Variants in SYN3 observed in about 807,000 individuals in gnomAD.
SYN3 encodes the protein synapsin-3.
SYN3 carries 35 observed loss-of-function variants against 65.8 expected under a neutral mutation model. That is an observed-to-expected ratio of 0.53 (90% confidence interval 0.41 to 0.70). The LOEUF (loss-of-function observed/expected upper bound fraction) is 0.70, where lower values mean the gene tolerates loss of function less well. Among genes scored for constraint, SYN3 ranks in the 30% least tolerant of loss-of-function variants. The probability of loss-of-function intolerance (pLI) is 0.00; values close to 1 mark genes in which losing one functional copy is unlikely to be tolerated. For synonymous variants in SYN3, 270 were observed against 292.9 expected, an observed-to-expected ratio of 0.92 and a Z score of 0.80; for missense variants, 680 against 749.0, an observed-to-expected ratio of 0.91 and a Z score of 1.08.
chr22:32,785,989 A>C (rs1053740976), intron 6 of SYN3, among the ~76,000 whole-genome samples: 19 of 127,606 alleles, frequency 1.5e-4, no homozygotes, highest in South Asian at 4.8e-4. Context: ...AATTCAAACC[A>C]CTTCAAAGAA....
In SYN3 at chr22:32,538,053, C is replaced by T; in HGVS notation, c.975G>A (p.Gln325=). 4.3e-6 allele frequency: 7 copies of T among 1,614,200 alleles called. No individual in the cohort carries two copies. The highest frequency in any genetic ancestry group is 5.9e-6 in the Non-Finnish European group (7 of 1,180,020). ...KANTGSAMLE[Q]VAMTERYRLW... ...TCTCTTACCTCTCTGTCATGGCCAC[C>T]TGCTCCAGCATGGCAGAGCCTGTGT... Residue 325 remains glutamine, a synonymous_variant, in exon 9 of 14, where the codon CAG becomes CAA. Coordinates refer to ENST00000358763, the MANE Select transcript of SYN3 (RefSeq NM_003490.4).
At chr22:32,899,241 C>T (rs1437967704) in intron 4 of SYN3, among the ~76,000 whole-genome samples, 4 of 152,214 alleles carry the variant, frequency 2.6e-5, no homozygotes, top group Non-Finnish European at 2.9e-5. Context: ...CAGCTCCCTT[C>T]CCCACTTTTC....
At chr22:32,867,222 A>T (rs953578989) in intron 5 of SYN3, among the ~76,000 whole-genome samples, 1 of 152,158 alleles carries the variant, frequency 6.6e-6, no homozygotes, top group East Asian at 1.9e-4. Flanking sequence ...ACATACCCCA[A>T]GCCTCCACAT....
rs756127147 is a variant in SYN3 at position 32,518,349 on chromosome 22, A to G, written c.1319-15T>C. On this transcript the variant is annotated splice_polypyrimidine_tract_variant and intron_variant, in intron 12 of 13. Coordinates refer to ENST00000358763, the MANE Select transcript of SYN3 (RefSeq NM_003490.4). The stretch of plus-strand genomic sequence containing the variant: ...GCGAGGGCCTCCTAAGGGGCCAGAA[A>G]AAAAAAGGTTCAGTTCAATTTTTTT... The G allele has an allele frequency of 7.5e-6, 12 of 1,609,934 alleles. No homozygotes were observed. The South Asian group carries it at 8.8e-5, about 12-fold the overall frequency.
At chr22:32,566,603 A>T (rs1257676818) in intron 7 of SYN3, among the ~76,000 whole-genome samples, 1 of 152,182 alleles carries the variant, frequency 6.6e-6, no homozygotes, top group Non-Finnish European at 1.5e-5. Context: ...TGAAGACTTT[A>T]TCAGGATTTT....
chr22:32,924,439 A>G (rs546817683), intron 4 of SYN3, among the ~76,000 whole-genome samples: 5 of 152,308 alleles, frequency 3.3e-5, no homozygotes, highest in South Asian at 2.1e-4. Context: ...CTTTAGCTAT[A>G]CTGGCACTGT....
chr22:32,523,222 C>T (rs2057916810), intron 12 of SYN3, among the ~76,000 whole-genome samples: 1 of 152,156 alleles, frequency 6.6e-6, no homozygotes, highest in Non-Finnish European at 1.5e-5. Context: ...CCATATAAGA[C>T]AGTGAACTGG....
chr22:32,997,704 G>C (rs2052922142), intron 2 of SYN3, among the ~76,000 whole-genome samples: 1 of 152,136 alleles, frequency 6.6e-6, no homozygotes, highest in Non-Finnish European at 1.5e-5. Flanking sequence ...GCTGGATTGA[G>C]TCAAGGTGAG....
At chr22:32,651,489 C>T (rs1397557154) in intron 6 of SYN3, among the ~76,000 whole-genome samples, 2 of 152,100 alleles carry the variant, frequency 1.3e-5, no homozygotes, top group African/African-American at 2.4e-5. Flanking sequence ...CTGGAGCACA[C>T]AGGTGGGGCA....
chr22:32,650,801 A>G (rs533859304), intron 6 of SYN3, among the ~76,000 whole-genome samples: 1 of 152,300 alleles, frequency 6.6e-6, no homozygotes, highest in Admixed American at 6.5e-5. Context: ...TCTCTTATTA[A>G]ATGAGATAAT....
At chr22:32,571,494 C>T (rs2146422035) in intron 7 of SYN3, among the ~76,000 whole-genome samples, 1 of 152,340 alleles carries the variant, frequency 6.6e-6, no homozygotes, top group South Asian at 2.1e-4. Context: ...GCTTCCTAAC[C>T]TGTGAAGCAA....
chr22:32,747,335 C>T (rs1291567187), intron 6 of SYN3, among the ~76,000 whole-genome samples: 4 of 152,108 alleles, frequency 2.6e-5, no homozygotes, highest in Non-Finnish European at 5.9e-5. Context: ...CAAATCAAAA[C>T]AAAAAAATTG....
At chr22:32,744,184 A>C (rs2044858344) in intron 6 of SYN3, among the ~76,000 whole-genome samples, 1 of 152,136 alleles carries the variant, frequency 6.6e-6, no homozygotes, top group Non-Finnish European at 1.5e-5. Flanking sequence ...AAACAACTCT[A>C]TGAACGTGTT....
intron 2 of SYN3, among the ~76,000 whole-genome samples, chr22:32,980,923 C>T (rs775979637): frequency 2.0e-4 from 30 of 151,710 alleles, no homozygotes; most frequent in Non-Finnish European, 3.8e-4. Context: ...GGCCTAGTCT[C>T]GGCTCACTAC....
intron 4 of SYN3, among the ~76,000 whole-genome samples, chr22:32,906,145 T>C (rs2049895740): frequency 6.6e-6 from 1 of 152,178 alleles, no homozygotes; most frequent in South Asian, 2.1e-4. Context: ...CTGGTTGTTC[T>C]CAGGAAGGCG....
At chr22:33,019,639 CTTG>C (rs994149536) in intron 1 of SYN3, among the ~76,000 whole-genome samples, 3 of 152,120 alleles carry the variant, frequency 2.0e-5, no homozygotes, top group Non-Finnish European at 4.4e-5. Flanking sequence ...AGTTGATTTT[CTTG>C]TTGTTGTTTG....
chr22:32,782,655 CCA>C (rs895614589), intron 6 of SYN3, among the ~76,000 whole-genome samples: 1 of 151,862 alleles, frequency 6.6e-6, no homozygotes, highest in Non-Finnish European at 1.5e-5. Flanking sequence ...GTAGCTGGGA[CCA>C]CAGGCGCACA....
intron 6 of SYN3, among the ~76,000 whole-genome samples, chr22:32,722,470 C>G (rs746929133): frequency 6.6e-6 from 1 of 152,130 alleles, no homozygotes; most frequent in Non-Finnish European, 1.5e-5. Flanking sequence ...TGGGTCATGC[C>G]CCTCACTGAG....
intron 7 of SYN3, among the ~76,000 whole-genome samples, chr22:32,558,764 G>A (rs2058541099): frequency 6.6e-6 from 1 of 152,230 alleles, no homozygotes; most frequent in Non-Finnish European, 1.5e-5. Flanking sequence ...TCATGGCCCT[G>A]ATGACTCAAC....
Sources: gnomAD v4.1 joint callset for allele counts (sites outside exome capture counted in the v4.1 genomes callset) on GRCh38, gnomAD v4.1.1 for gene constraint, MANE v1.5 for transcripts, NCBI Gene and HGNC (gene_info 2026-07-23, HGNC 2026-07-21) for gene names.